Variants in TRDN observed in about 807,000 individuals in gnomAD.
The protein encoded by TRDN is triadin.
Under a neutral mutation model 149.7 loss-of-function variants are expected in TRDN, and 161 were observed. The ratio of observed to expected loss-of-function variants is 1.08; its 90% CI spans 0.95 to 1.23. The LOEUF (loss-of-function observed/expected upper bound fraction) is 1.23, where lower values mean the gene tolerates loss of function less well. Ranked by LOEUF, TRDN falls within the 50% of genes most tolerant of loss-of-function variation. The pLI, the probability that TRDN is intolerant of heterozygous loss-of-function variation, is 0.00. For missense variants in TRDN, 896 were observed against 823.5 expected, an observed-to-expected ratio of 1.09 and a Z score of -1.08; for synonymous variants, 294 against 250.5, an observed-to-expected ratio of 1.17 and a Z score of -1.64.
At chr6:123,297,543 A>G (rs1222096755) in intron 24 of TRDN, among the ~76,000 whole-genome samples, 1 of 152,072 alleles carries the variant, frequency 6.6e-6, no homozygotes, top group African/African-American at 2.4e-5. Flanking sequence ...TCATTCATTC[A>G]GTAAACATTT....
At chr6:123,248,317 G>A (rs1209443588) in intron 38 of TRDN, among the ~76,000 whole-genome samples, 3 of 152,170 alleles carry the variant, frequency 2.0e-5, no homozygotes, top group Non-Finnish European at 4.4e-5. Flanking sequence ...AGCACTTTGG[G>A]AGGCTGAGGC....
chr6:123,554,276 A>G (rs911130363), intron 2 of TRDN, among the ~76,000 whole-genome samples: 7 of 152,150 alleles, frequency 4.6e-5, no homozygotes, highest in Non-Finnish European at 8.8e-5. Flanking sequence ...GTAGTACTCA[A>G]TATGAGCTTG....
intron 21 of TRDN, chr6:123,352,200 G>A (rs986646499): frequency 2.0e-6 from 2 of 983,556 alleles, no homozygotes; most frequent in African/African-American, 3.5e-5. Context: ...TAATCAGTAA[G>A]GTGGTGTTAA....
At chr6:123,436,725 G>T (rs183769526) in intron 12 of TRDN, among the ~76,000 whole-genome samples, 22 of 152,026 alleles carry the variant, frequency 1.4e-4, no homozygotes, top group Non-Finnish European at 2.1e-4. Flanking sequence ...AATCTTCTTC[G>T]TTTAAGCTTA....
At chr6:123,585,450 A>G (rs1783419342) in intron 1 of TRDN, among the ~76,000 whole-genome samples, 1 of 152,060 alleles carries the variant, frequency 6.6e-6, no homozygotes, top group African/African-American at 2.4e-5. Context: ...TAGCCTTGGT[A>G]TTGATTAAGA....
At chr6:123,381,093 T>A (rs190053948) in intron 16 of TRDN, among the ~76,000 whole-genome samples, 1 of 152,098 alleles carries the variant, frequency 6.6e-6, no homozygotes, top group African/African-American at 2.4e-5. Context: ...TCAGTTTGGG[T>A]TAATGGAATG....
At chr6:123,510,588 T>C (rs537198384) in intron 7 of TRDN, among the ~76,000 whole-genome samples, 280 of 152,102 alleles carry the variant, frequency 1.8e-3, no homozygotes, top group Non-Finnish European at 3.7e-3. Flanking sequence ...TTATGGTACT[T>C]TCAGTTCTCA....
chr6:123,573,292 T>C (rs1005819746), intron 1 of TRDN, among the ~76,000 whole-genome samples: 3 of 152,110 alleles, frequency 2.0e-5, no homozygotes, highest in Admixed American at 6.6e-5. Context: ...AAATAACTCA[T>C]GCAAATTGTT....
intron 22 of TRDN, 124 bp downstream of exon 22, chr6:123,337,495 A>T: frequency 3.0e-6 from 1 of 329,636 alleles, no homozygotes; most frequent in Non-Finnish European, 5.5e-6. Context: ...TTTTAAAAAT[A>T]TGTGTGTGAC....
intron 21 of TRDN, among the ~76,000 whole-genome samples, chr6:123,345,788 G>C (rs1010935049): frequency 2.6e-5 from 4 of 152,090 alleles, no homozygotes; most frequent in South Asian, 2.1e-4. Flanking sequence ...ATACCTAAGT[G>C]TTTATGTTTT....
intron 9 of TRDN, among the ~76,000 whole-genome samples, chr6:123,467,092 A>G (rs1256989604): frequency 6.6e-6 from 1 of 152,142 alleles, no homozygotes; most frequent in Admixed American, 6.6e-5. Flanking sequence ...GCACCAAAGA[A>G]TTATTAAACC....
rs1335458137 is a variant in TRDN at position 123,350,458 on chromosome 6, T to C, written c.1369+2081A>G. 7 of 556,564 alleles carry C rather than the reference T, an allele frequency of 1.3e-5. No homozygotes were observed. In the South Asian group the frequency reaches 4.0e-4, roughly 32 times the overall value. The allele number at this position is 556,564 out of a possible 1,614,324, so 34.5% of individuals were successfully genotyped here. On this transcript the variant is annotated intron_variant, in intron 21 of 40. Transcript: ENST00000334268. ...TAAATATTTAAAGAGAATTTAACTA[T>C]ATTTCAATGAATTATAAACTAATAG... is the stretch of plus-strand genomic sequence containing the variant.
intron 1 of TRDN, among the ~76,000 whole-genome samples, chr6:123,576,591 T>C (rs1476050412): frequency 6.6e-6 from 1 of 151,998 alleles, no homozygotes; most frequent in Non-Finnish European, 1.5e-5. Context: ...CCAGGCCGCT[T>C]TTATAAGGTC....
In TRDN at chr6:123,464,249, CTT is replaced by C. The variant is rs377366482; in HGVS notation, c.931+655_931+656del. 1.1e-4 allele frequency: 113 copies of C among 983,328 alleles called. No homozygotes were observed. The African/African-American group carries it at 1.8e-3, about 16-fold the overall frequency. 60.9% of individuals were successfully genotyped at this position (983,328 alleles called of 1,614,324 possible). ...AATGAATGAAGACTTAAAGAAATGA[CTT>C]TAACGTTCCAGCAAAATTTATTACA... is the stretch of plus-strand genomic sequence containing the variant. On this transcript the variant is annotated intron_variant, in intron 10 of 40. Transcript: ENST00000334268.
intron 10 of TRDN, among the ~76,000 whole-genome samples, chr6:123,460,336 A>G (rs1776376263): frequency 6.6e-6 from 1 of 152,226 alleles, no homozygotes; most frequent in African/African-American, 2.4e-5. Context: ...TTTTATATGT[A>G]TAAGAAATTT....
chr6:123,617,533 T>TA (rs1264127537), intron 1 of TRDN, among the ~76,000 whole-genome samples: 1 of 152,210 alleles, frequency 6.6e-6, no homozygotes, highest in Non-Finnish European at 1.5e-5. Context: ...TGGAAAATGT[T>TA]ACTTGCTAGA....
At chr6:123,311,656 G>T (rs987660111) in intron 24 of TRDN, among the ~76,000 whole-genome samples, 6 of 151,890 alleles carry the variant, frequency 4.0e-5, no homozygotes, top group African/African-American at 1.2e-4. Flanking sequence ...GTTAAACATG[G>T]TTCTTTATGG....
intron 9 of TRDN, among the ~76,000 whole-genome samples, chr6:123,467,817 ATAT>A (rs1309767187): frequency 6.6e-6 from 1 of 152,088 alleles, no homozygotes; most frequent in Admixed American, 6.6e-5. Context: ...ATTAAATGTG[ATAT>A]TATATTTATA....
intron 16 of TRDN, among the ~76,000 whole-genome samples, chr6:123,378,642 C>A (rs1024725508): frequency 1.3e-5 from 2 of 152,096 alleles, no homozygotes; most frequent in African/African-American, 4.8e-5. Flanking sequence ...TAAAATAATT[C>A]TCAGAAAGAT....
Sources: gnomAD v4.1 joint callset for allele counts (sites outside exome capture counted in the v4.1 genomes callset) on GRCh38, gnomAD v4.1.1 for gene constraint, MANE v1.5 for transcripts, NCBI Gene and HGNC (gene_info 2026-07-23, HGNC 2026-07-21) for gene names.